Variants in SLC4A10 observed in about 807,000 individuals in gnomAD.
The protein encoded by SLC4A10 is solute carrier family 4 member 10, also known as sodium-driven chloride bicarbonate exchanger.
SLC4A10 carries 42 observed loss-of-function variants against 137.7 expected under a neutral mutation model. The ratio of observed to expected loss-of-function variants is 0.30; its 90% CI spans 0.24 to 0.39. SLC4A10 has a LOEUF of 0.39. Ranked by LOEUF, SLC4A10 falls within the 10% of genes least tolerant of loss-of-function variation. The pLI, the probability that SLC4A10 is intolerant of heterozygous loss-of-function variation, is 1.00. For synonymous variants in SLC4A10, 474 were observed against 464.1 expected (o/e 1.02, Z -0.27); for missense variants, 925 against 1,355.0 (o/e 0.68, Z 4.98).
chr2:161,750,899 G>A (rs958606376), intron 1 of SLC4A10, among the ~76,000 whole-genome samples: 2 of 151,654 alleles, frequency 1.3e-5, no homozygotes, highest in African/African-American at 4.8e-5. Context: ...TACACTGACA[G>A]TGGGTCTATA....
At chr2:161,696,594 T>C (rs1419949458) in intron 1 of SLC4A10, among the ~76,000 whole-genome samples, 2 of 151,380 alleles carry the variant, frequency 1.3e-5, no homozygotes, top group East Asian at 3.9e-4. Flanking sequence ...ATGAGAATGA[T>C]GATTTCCAAT....
chr2:161,817,451 A>T, intron 3 of SLC4A10, among the ~76,000 whole-genome samples: 1 of 151,866 alleles, frequency 6.6e-6, no homozygotes, highest in Non-Finnish European at 1.5e-5. Flanking sequence ...TTTGATGGTG[A>T]TTTCTTTTGC....
intron 1 of SLC4A10, among the ~76,000 whole-genome samples, chr2:161,682,457 A>G (rs1231356789): frequency 6.6e-6 from 1 of 152,194 alleles, no homozygotes; most frequent in East Asian, 1.9e-4. Context: ...ATGGTAAGGC[A>G]AATGAATTCA....
chr2:161,667,945 G>T (rs1190916819), intron 1 of SLC4A10, among the ~76,000 whole-genome samples: 2 of 151,752 alleles, frequency 1.3e-5, no homozygotes, highest in African/African-American at 2.4e-5. Flanking sequence ...CACAATCAAA[G>T]AAAAGTATGA....
chr2:161,953,027 A>G (rs555516507), intron 19 of SLC4A10, among the ~76,000 whole-genome samples: 2 of 152,258 alleles, frequency 1.3e-5, no homozygotes, highest in South Asian at 4.1e-4. Context: ...TTGTGAAAGC[A>G]TTTTCAGCTT....
At chr2:161,947,538 G>C (rs766286629) in intron 16 of SLC4A10, 28 bp from the exon 17 acceptor site, 4 of 1,599,046 alleles carry the variant, frequency 2.5e-6, no homozygotes, top group Non-Finnish European at 3.4e-6. Flanking sequence ...TTTCTTAGTA[G>C]CTCCATTTGT....
intron 3 of SLC4A10, among the ~76,000 whole-genome samples, chr2:161,823,369 T>C (rs965767998): frequency 1.3e-5 from 2 of 152,216 alleles, no homozygotes; most frequent in African/African-American, 4.8e-5. Context: ...GTGTTTCCAG[T>C]ATCCACTTAA....
intron 1 of SLC4A10, chr2:161,708,703 T>C (rs555345915): frequency 1.3e-6 from 2 of 1,522,770 alleles, no homozygotes; most frequent in East Asian, 2.5e-5. Context: ...GCCCTGAAGA[T>C]GCTGAGACAT....
chr2:161,934,315 C>A (rs1477533503), intron 15 of SLC4A10, among the ~76,000 whole-genome samples: 1 of 152,160 alleles, frequency 6.6e-6, no homozygotes, highest in Non-Finnish European at 1.5e-5. Flanking sequence ...CTGCCCACCC[C>A]TCATTACCCT....
intron 1 of SLC4A10, among the ~76,000 whole-genome samples, chr2:161,722,266 C>G (rs2045765259): frequency 6.6e-6 from 1 of 152,158 alleles, no homozygotes; most frequent in Non-Finnish European, 1.5e-5. Flanking sequence ...GGCACTCTGG[C>G]TTTTTGAGTT....
intron 16 of SLC4A10, among the ~76,000 whole-genome samples, chr2:161,946,769 C>T (rs1295903365): frequency 6.6e-6 from 1 of 152,010 alleles, no homozygotes; most frequent in Admixed American, 6.6e-5. Flanking sequence ...CAGGCTCTTA[C>T]AGAACTACAG....
chr2:161,879,239 T>C lies in SLC4A10; in HGVS notation c.1057T>C (p.Ser353Pro). 1 of 1,613,262 alleles carries C rather than the reference T, an allele frequency of 6.2e-7. No homozygotes were observed. The highest frequency in any genetic ancestry group is 8.5e-7 in the Non-Finnish European group (1 of 1,179,366). The part of the protein sequence containing the change: ...DRTVVAFVRL[S>P]PAVLLQGLAE... ...AACAGTAGTTGCGTTTGTCAGGTTG[T>C]CTCCAGCTGTATTGCTTCAAGGACT... Residue 353 changes from serine to proline, a missense_variant, in exon 9 of 27, where the codon TCT becomes CCT. Around this residue, in one of 11 missense-constraint regions of SLC4A10, gnomAD observed 277 missense variants for 306.1 expected, o/e 0.90. Coordinates refer to ENST00000446997, the MANE Select transcript of SLC4A10 (RefSeq NM_001178015.2).
intron 19 of SLC4A10, among the ~76,000 whole-genome samples, chr2:161,952,071 AT>A (rs930329873): frequency 5.3e-5 from 8 of 152,142 alleles, no homozygotes; most frequent in African/African-American, 1.9e-4. Flanking sequence ...TTTCAAAAAG[AT>A]TTTTTTAGCC....
At chr2:161,697,320 T>C in intron 1 of SLC4A10, among the ~76,000 whole-genome samples, 1 of 152,196 alleles carries the variant, frequency 6.6e-6, no homozygotes, top group African/African-American at 2.4e-5. Context: ...TTGGCTCCCA[T>C]TTGTCAATTT....
chr2:161,799,110 T>G lies in SLC4A10; in HGVS notation c.131-5339T>G, dbSNP rs1438133142. Reference sequence around the variant, plus strand: ...ATTCATATCTAAATGGTTTTGTATTTTTATTAAATTTTGGATTTTTTGCAT... The same window carrying G: ...ATTCATATCTAAATGGTTTTGTATTGTTATTAAATTTTGGATTTTTTGCAT... On this transcript the variant is annotated intron_variant, in intron 2 of 26. Coordinates refer to ENST00000446997, the MANE Select transcript of SLC4A10 (RefSeq NM_001178015.2). Among the ~76,000 whole-genome samples the G allele has an allele frequency of 2.0e-5, 3 of 151,610 alleles. No individual in the cohort carries two copies. In the Admixed American group the frequency reaches 2.0e-4, roughly 10 times the overall value.
intron 1 of SLC4A10, among the ~76,000 whole-genome samples, chr2:161,712,125 CAA>C (rs1237381632): frequency 6.6e-6 from 1 of 151,680 alleles, no homozygotes; most frequent in African/African-American, 2.4e-5. Flanking sequence ...AAAATGCAAA[CAA>C]AGAACAACAT....
intron 1 of SLC4A10, among the ~76,000 whole-genome samples, chr2:161,769,729 C>A (rs940595031): frequency 6.6e-6 from 1 of 151,698 alleles, no homozygotes; most frequent in Non-Finnish European, 1.5e-5. Context: ...TCTTCATGTG[C>A]GCTATTTATA....
intron 1 of SLC4A10, among the ~76,000 whole-genome samples, chr2:161,672,864 G>C (rs2039884607): frequency 6.6e-6 from 1 of 151,940 alleles, no homozygotes; most frequent in African/African-American, 2.4e-5. Flanking sequence ...GCTTCTTTTG[G>C]CTATGTTAAA....
At chr2:161,890,790 A>G (rs764030053) in intron 10 of SLC4A10, among the ~76,000 whole-genome samples, 1 of 152,112 alleles carries the variant, frequency 6.6e-6, no homozygotes, top group South Asian at 2.1e-4. Flanking sequence ...GCCCATTTAT[A>G]TTTAAGGTTA....
Sources: gnomAD v4.1 joint callset for allele counts (sites outside exome capture counted in the v4.1 genomes callset) on GRCh38, gnomAD v4.1.1 for gene constraint, gnomAD v4.1.1 regional missense constraint, MANE v1.5 for transcripts, NCBI Gene and HGNC (gene_info 2026-07-23, HGNC 2026-07-21) for gene names.